Variants in SUSD6 observed in about 807,000 individuals in gnomAD.
SUSD6 encodes sushi domain-containing protein 6.
A neutral mutation model predicts 28.4 loss-of-function variants in SUSD6; 16 were observed. The observed-to-expected ratio is 0.56, with a 90% confidence interval of 0.38 to 0.86. The LOEUF (loss-of-function observed/expected upper bound fraction) is 0.86, where lower values mean the gene tolerates loss of function less well. SUSD6 is among the 40% of genes least tolerant of loss of function. The probability of loss-of-function intolerance (pLI) is 0.00; values close to 1 mark genes in which losing one functional copy is unlikely to be tolerated. For missense variants in SUSD6, 341 were observed against 384.2 expected (o/e 0.89, Z 0.94); for synonymous variants, 147 against 159.6 (o/e 0.92, Z 0.59).
chr14:69,648,453 G>T (rs190089445), intron 1 of SUSD6, among the ~76,000 whole-genome samples: 1 of 152,110 alleles, frequency 6.6e-6, no homozygotes, highest in Non-Finnish European at 1.5e-5. Context: ...GGTCATTTTT[G>T]TCTTATTTCT....
chr14:69,612,623 A>G lies in SUSD6; in HGVS notation c.-81+795A>G, dbSNP rs939990972. The stretch of plus-strand genomic sequence containing the variant: ...GGGACAGCAAGACCCAGGAGCAAAG[A>G]GGCGTCAAAATAAAGTCTTGGGCTG... On this transcript the variant is annotated intron_variant, in intron 1 of 5. Coordinates refer to ENST00000342745, the MANE Select transcript of SUSD6 (RefSeq NM_014734.4). 8.5e-5 allele frequency among the ~76,000 whole-genome samples: 13 copies of G among 152,114 alleles called. 1 individual carries two copies. The highest frequency in any genetic ancestry group is 2.9e-4 in the African/African-American group (12 of 41,418).
At chr14:69,706,508 G>A (rs913198089) in intron 4 of SUSD6, among the ~76,000 whole-genome samples, 2 of 152,142 alleles carry the variant, frequency 1.3e-5, no homozygotes, top group African/African-American at 4.8e-5. Context: ...TGCCCAGGCT[G>A]GAGTGCAGTG....
intron 1 of SUSD6, among the ~76,000 whole-genome samples, chr14:69,628,216 A>C (rs1885143525): frequency 6.6e-6 from 1 of 152,144 alleles, no homozygotes; most frequent in African/African-American, 2.4e-5. Context: ...TACAGACATG[A>C]GCCACTGCTC....
intron 1 of SUSD6, among the ~76,000 whole-genome samples, chr14:69,647,562 G>A (rs779122961): frequency 6.6e-6 from 1 of 151,874 alleles, no homozygotes; most frequent in Non-Finnish European, 1.5e-5. Flanking sequence ...TGTCCTAATT[G>A]TATGCTAGTA....
At chr14:69,674,757 T>C (rs1192278130) in intron 2 of SUSD6, among the ~76,000 whole-genome samples, 1 of 152,140 alleles carries the variant, frequency 6.6e-6, no homozygotes, top group Non-Finnish European at 1.5e-5. Flanking sequence ...TTAGAGTTAG[T>C]ACAGCCTGCC....
intron 1 of SUSD6, among the ~76,000 whole-genome samples, chr14:69,647,629 T>C (rs1234080741): frequency 6.6e-6 from 1 of 151,938 alleles, no homozygotes; most frequent in African/African-American, 2.4e-5. Flanking sequence ...TTTATCTCCC[T>C]TTTCTTGCTG....
chr14:69,651,479 G>A (rs868633376), intron 1 of SUSD6, among the ~76,000 whole-genome samples: 1 of 152,184 alleles, frequency 6.6e-6, no homozygotes, highest in African/African-American at 2.4e-5. Context: ...TTTAACAGGA[G>A]TTTGATGTTT....
chr14:69,703,742 A>T (rs1424715115), intron 3 of SUSD6, 150 bp downstream of exon 3: 3 of 690,354 alleles, frequency 4.3e-6, no homozygotes, highest in Non-Finnish European at 7.4e-6. Flanking sequence ...TTGGGTCTTC[A>T]TGTCTTTGTG....
chr14:69,666,302 T>C (rs532998022), intron 2 of SUSD6, among the ~76,000 whole-genome samples: 23 of 152,356 alleles, frequency 1.5e-4, no homozygotes, highest in Middle Eastern at 3.4e-3. Flanking sequence ...GTGATCTCAC[T>C]GTGAACTATT....
chr14:69,662,939 C>T (rs1443472122), intron 2 of SUSD6, among the ~76,000 whole-genome samples: 1 of 152,186 alleles, frequency 6.6e-6, no homozygotes, highest in Non-Finnish European at 1.5e-5. Context: ...ATAACAACAA[C>T]AGAATTGGTA....
chr14:69,648,645 C>A (rs898463665), intron 1 of SUSD6, among the ~76,000 whole-genome samples: 10 of 152,058 alleles, frequency 6.6e-5, no homozygotes, highest in Admixed American at 2.6e-4. Context: ...CATCCCACTC[C>A]CAGGCCTTTG....
intron 1 of SUSD6, among the ~76,000 whole-genome samples, chr14:69,643,650 A>G (rs976738111): frequency 2.6e-5 from 4 of 152,216 alleles, no homozygotes; most frequent in African/African-American, 9.7e-5. Context: ...AGTCAGGCCC[A>G]GACAGCCGTG....
In SUSD6 at chr14:69,664,232, G is replaced by A. The variant is rs1289866269; in HGVS notation, c.121+5519G>A. On this transcript the variant is annotated intron_variant, in intron 2 of 5. Coordinates refer to ENST00000342745, the MANE Select transcript of SUSD6 (RefSeq NM_014734.4). Reference sequence around the variant, plus strand: ...CCTGACCTCATGATCCTTCCACCTCGGCCTCCCAGAGTGCTGGGATTACAG... The same window carrying A: ...CCTGACCTCATGATCCTTCCACCTCAGCCTCCCAGAGTGCTGGGATTACAG... Among the ~76,000 whole-genome samples, 6 of 152,000 alleles carry A rather than the reference G, an allele frequency of 3.9e-5. 1 individual carries two copies. The South Asian group carries it at 8.3e-4, about 21-fold the overall frequency.
chr14:69,695,997 G>C (rs1178141542), intron 2 of SUSD6, among the ~76,000 whole-genome samples: 3 of 152,218 alleles, frequency 2.0e-5, no homozygotes, highest in African/African-American at 7.2e-5. Context: ...TTTGAAAAAG[G>C]CTGTTCATAC....
At chr14:69,665,191 A>C (rs1885720640) in intron 2 of SUSD6, among the ~76,000 whole-genome samples, 1 of 152,198 alleles carries the variant, frequency 6.6e-6, no homozygotes, top group Admixed American at 6.5e-5. Flanking sequence ...CCTCATCTTC[A>C]GCTAATTTAA....
chr14:69,667,365 A>G (rs1221306290), intron 2 of SUSD6, among the ~76,000 whole-genome samples: 1 of 133,450 alleles, frequency 7.5e-6, no homozygotes, highest in Non-Finnish European at 1.5e-5. Flanking sequence ...GGTTGCTCAC[A>G]GTTTCTTTTT....
intron 2 of SUSD6, among the ~76,000 whole-genome samples, chr14:69,680,884 G>A (rs1408914322): frequency 6.6e-6 from 1 of 152,086 alleles, no homozygotes; most frequent in Non-Finnish European, 1.5e-5. Flanking sequence ...CAGTCAAAAC[G>A]AAGACTCAGC....
At chr14:69,632,279 G>A (rs1368687590) in intron 1 of SUSD6, among the ~76,000 whole-genome samples, 1 of 152,166 alleles carries the variant, frequency 6.6e-6, no homozygotes, top group Non-Finnish European at 1.5e-5. Flanking sequence ...GCCAGGTGGA[G>A]GGGTCAGGCT....
At chr14:69,671,370 C>T (rs1885829294) in intron 2 of SUSD6, among the ~76,000 whole-genome samples, 2 of 152,132 alleles carry the variant, frequency 1.3e-5, no homozygotes, top group South Asian at 4.1e-4. Context: ...AAGTGATGGG[C>T]TAGGTGAGGC....
Sources: gnomAD v4.1 joint callset for allele counts (sites outside exome capture counted in the v4.1 genomes callset) on GRCh38, gnomAD v4.1.1 for gene constraint, MANE v1.5 for transcripts, NCBI Gene and HGNC (gene_info 2026-07-23, HGNC 2026-07-21) for gene names.